The following SLCO1C1 variants were observed in gnomAD, a reference collection of about 807,000 sequenced individuals.
SLCO1C1 encodes the protein OAT-RP-5.
A neutral mutation model predicts 76.4 loss-of-function variants in SLCO1C1; 70 were observed. The observed-to-expected ratio is 0.92, with a 90% confidence interval of 0.76 to 1.12. The LOEUF (loss-of-function observed/expected upper bound fraction) is 1.12, where lower values mean the gene tolerates loss of function less well. Ranked by LOEUF, SLCO1C1 falls within the 50% of genes most tolerant of loss-of-function variation. The probability of loss-of-function intolerance (pLI) is 0.00; values close to 1 mark genes in which losing one functional copy is unlikely to be tolerated. For synonymous variants in SLCO1C1, 306 were observed against 286.1 expected, an observed-to-expected ratio of 1.07 and a Z score of -0.70; for missense variants, 912 against 823.8, an observed-to-expected ratio of 1.11 and a Z score of -1.31.
chr12:20,718,892 T>C (rs1947514331), intron 7 of SLCO1C1, among the ~76,000 whole-genome samples: 1 of 152,154 alleles, frequency 6.6e-6, no homozygotes. Context: ...GCACTCTCTT[T>C]CCTTTAATAA....
intron 9 of SLCO1C1, among the ~76,000 whole-genome samples, chr12:20,730,955 T>C (rs533076873): frequency 6.6e-6 from 1 of 152,226 alleles, no homozygotes; most frequent in East Asian, 1.9e-4. Context: ...CTGGCAACGC[T>C]TGCATTTGTT....
chr12:20,724,551 TTTCCC>T (rs1947866314), intron 9 of SLCO1C1, among the ~76,000 whole-genome samples: 1 of 147,492 alleles, frequency 6.8e-6, no homozygotes, highest in Non-Finnish European at 1.5e-5. Flanking sequence ...AGTCAAAACT[TTTCCC>T]CAAAGCTAAT....
At chr12:20,749,175 T>C (rs1185673469) in intron 13 of SLCO1C1, among the ~76,000 whole-genome samples, 1 of 152,232 alleles carries the variant, frequency 6.6e-6, no homozygotes, top group Non-Finnish European at 1.5e-5. Flanking sequence ...AGAAGTGTCA[T>C]AAATATTCTT....
At chr12:20,713,917 T>C (rs900479426) in intron 5 of SLCO1C1, among the ~76,000 whole-genome samples, 2 of 152,238 alleles carry the variant, frequency 1.3e-5, no homozygotes, top group East Asian at 3.8e-4. Flanking sequence ...AAGACTCGCC[T>C]ACCAACAAGC....
At chr12:20,730,870 A>C (rs1372010282) in intron 9 of SLCO1C1, among the ~76,000 whole-genome samples, 2 of 152,120 alleles carry the variant, frequency 1.3e-5, no homozygotes, top group East Asian at 3.9e-4. Flanking sequence ...ATACTCAAAC[A>C]CCGATAATCA....
intron 4 of SLCO1C1, among the ~76,000 whole-genome samples, chr12:20,710,615 C>A (rs35095236): frequency 0.31 from 47,687 of 151,820 alleles, 8,002 homozygotes; most frequent in African/African-American, 0.35. Flanking sequence ...TAACCTTATA[C>A]ACAGGGGAAA....
At chr12:20,725,946 T>G (rs1241851228) in intron 9 of SLCO1C1, among the ~76,000 whole-genome samples, 1 of 152,096 alleles carries the variant, frequency 6.6e-6, no homozygotes, top group African/African-American at 2.4e-5. Context: ...TCAAATACTT[T>G]TGTGAGAGAT....
intron 7 of SLCO1C1, among the ~76,000 whole-genome samples, chr12:20,717,571 A>G (rs1947425114): frequency 6.9e-6 from 1 of 145,402 alleles, no homozygotes; most frequent in Non-Finnish European, 1.5e-5. Context: ...TTTTATAGTT[A>G]CATCAATTGA....
intron 11 of SLCO1C1, 127 bp downstream of exon 11, chr12:20,737,399 T>C: frequency 1.0e-6 from 1 of 982,278 alleles, no homozygotes; most frequent in Non-Finnish European, 1.4e-6. Flanking sequence ...TGGTCCTTTT[T>C]TGTAGAAAAA....
intron 13 of SLCO1C1, among the ~76,000 whole-genome samples, chr12:20,746,928 G>A (rs1293120113): frequency 6.6e-6 from 1 of 151,034 alleles, no homozygotes; most frequent in Non-Finnish European, 1.5e-5. Context: ...AAAAACAAAC[G>A]AACTAAAAAA....
chr12:20,717,064 A>C, intron 6 of SLCO1C1, 68 bp from the exon 7 acceptor site: 1 of 1,376,398 alleles, frequency 7.3e-7, no homozygotes, highest in Non-Finnish European at 1.0e-6. Flanking sequence ...TCTTGTTTAA[A>C]ATTGTATTAA....
chr12:20,722,086 T>A lies in SLCO1C1; in HGVS notation c.1021+37T>A, dbSNP rs767608216. The A allele has an allele frequency of 1.9e-6, 3 of 1,594,248 alleles. No homozygotes were observed. The South Asian group carries it at 3.4e-5, about 18-fold the overall frequency. On this transcript the variant is annotated intron_variant, in intron 8 of 14. Transcript: ENST00000266509. ...TCTTGATTTTGAAGTATTTTCATTT[T>A]TCTGTTGGGGCTTAAGGAGATTTAT...
intron 14 of SLCO1C1, among the ~76,000 whole-genome samples, chr12:20,752,066 C>T (rs1050334137): frequency 6.6e-6 from 1 of 152,052 alleles, no homozygotes; most frequent in African/African-American, 2.4e-5. Context: ...AAATAATTTA[C>T]AGAGAGGATG....
chr12:20,701,351 G>T lies in SLCO1C1; in HGVS notation c.163G>T (p.Ala55Ser). ...GTGTGCCTTGTCTTTTGTTTACTTTGCCAAAGCATTGGCAGAAGGCTATCT... is the reference window on the plus strand; with the variant it reads ...GTGTGCCTTGTCTTTTGTTTACTTTTCCAAAGCATTGGCAGAAGGCTATCT... ...FLCALSFVYF[A>S]KALAEGYLKS... Residue 55 changes from alanine (A) to serine (S), a missense_variant, in exon 3 of 15, where the codon GCC becomes TCC. By Grantham distance (99) the Ala-to-Ser change is moderately conservative (BLOSUM62 1). Coordinates refer to ENST00000266509, the MANE Select transcript of SLCO1C1 (RefSeq NM_017435.5). 1.3e-6 allele frequency: 2 copies of T among 1,537,952 alleles called. No individual in the cohort carries two copies. The highest frequency in any genetic ancestry group is 2.7e-5 in the African/African-American group (2 of 73,624).
At chr12:20,722,766 T>C (rs1947740436) in intron 8 of SLCO1C1, among the ~76,000 whole-genome samples, 1 of 152,360 alleles carries the variant, frequency 6.6e-6, no homozygotes, top group Middle Eastern at 3.4e-3. Flanking sequence ...CCCAGCTAGA[T>C]GATGAGGGAG....
chr12:20,706,951 G>C (rs984220612), intron 4 of SLCO1C1, among the ~76,000 whole-genome samples: 12 of 152,238 alleles, frequency 7.9e-5, no homozygotes, highest in Middle Eastern at 3.4e-3. Flanking sequence ...GTCCACTCTA[G>C]ATCATTGTAT....
intron 3 of SLCO1C1, among the ~76,000 whole-genome samples, chr12:20,704,377 A>T (rs1268456480): frequency 6.6e-6 from 1 of 151,620 alleles, no homozygotes; most frequent in Non-Finnish European, 1.5e-5. Context: ...AGGCGAGAAT[A>T]GGAGAGAATT....
rs1400028401 is a variant in SLCO1C1 at position 20,699,594 on chromosome 12, A to G, written c.18A>G (p.Lys6=). The G allele has an allele frequency of 1.9e-6, 3 of 1,611,464 alleles. No individual in the cohort carries two copies. Among genetic ancestry groups the G allele is most frequent in the Non-Finnish European group, 2.5e-6 (3 of 1,178,822 alleles). MDTSS[K]ENIQLFCKTS... The stretch of plus-strand genomic sequence containing the variant: ...TGTTTATAATGGACACTTCATCCAA[A>G]GAAAATATCCAGTTGTTCTGCAAAA... Residue 6 remains lysine, a synonymous_variant, in exon 2 of 15, where the codon AAA becomes AAG. Coordinates refer to ENST00000266509, the MANE Select transcript of SLCO1C1 (RefSeq NM_017435.5).
chr12:20,701,215 ATTG>A, intron 2 of SLCO1C1, 100 bp from the exon 3 acceptor site: 1 of 1,169,172 alleles, frequency 8.6e-7, no homozygotes, highest in South Asian at 2.8e-5. Context: ...GATATTATAC[ATTG>A]TTCTTTGTTG....
Sources: gnomAD v4.1 joint callset for allele counts (sites outside exome capture counted in the v4.1 genomes callset) on GRCh38, gnomAD v4.1.1 for gene constraint, MANE v1.5 for transcripts, NCBI Gene and HGNC (gene_info 2026-07-23, HGNC 2026-07-21) for gene names.